KATNIP: variants seen among roughly 807,000 people sequenced by gnomAD.
The protein encoded by KATNIP is katanin-interacting protein.
Under a neutral mutation model 174.0 loss-of-function variants are expected in KATNIP, and 126 were observed. That is an observed-to-expected ratio of 0.72 (90% CI 0.63 to 0.84). KATNIP has a LOEUF of 0.84. Ranked by LOEUF, KATNIP falls within the 40% of genes least tolerant of loss-of-function variation. The probability of loss-of-function intolerance (pLI) is 0.00; values close to 1 mark genes in which losing one functional copy is unlikely to be tolerated. For synonymous variants in KATNIP, 810 were observed against 835.7 expected, an observed-to-expected ratio of 0.97 and a Z score of 0.53; for missense variants, 1,958 against 2,109.7, an observed-to-expected ratio of 0.93 and a Z score of 1.41.
intron 5 of KATNIP, among the ~76,000 whole-genome samples, chr16:27,632,031 G>C (rs1457276064): frequency 6.6e-6 from 1 of 152,216 alleles, no homozygotes; most frequent in East Asian, 1.9e-4. Context: ...GTTCAGAAAA[G>C]TTCAGTGAGT....
At chr16:27,603,596 T>C (rs1000686245) in intron 2 of KATNIP, among the ~76,000 whole-genome samples, 1 of 151,964 alleles carries the variant, frequency 6.6e-6, no homozygotes, top group African/African-American at 2.4e-5. Context: ...TCCTGCATTC[T>C]TCTGCCCCTT....
At chr16:27,690,015 A>G (rs1317247259) in intron 8 of KATNIP, among the ~76,000 whole-genome samples, 1 of 152,168 alleles carries the variant, frequency 6.6e-6, no homozygotes, top group East Asian at 1.9e-4. Context: ...GAAAGTCACC[A>G]GGCAGGGCCG....
In KATNIP at chr16:27,770,018, G is replaced by T; in HGVS notation, c.4133G>T (p.Arg1378Met). 1 of 1,612,708 alleles carries T rather than the reference G, an allele frequency of 6.2e-7. No homozygotes were observed. The highest frequency in any genetic ancestry group is 8.5e-7 in the Non-Finnish European group (1 of 1,178,830). Residue 1378 changes from arginine (R) to methionine (M), a missense_variant and splice_region_variant, in exon 21 of 28, where the codon AGG (arginine) becomes ATG (methionine). Arg to Met is a moderately conservative substitution (Grantham distance 91). Transcript: ENST00000261588. ...CAGCTGCTGCCCCAGCCGGCCAGGA[G>T]GTGAGGAGAAAGTGGGCGCCACACA... The part of the protein sequence containing the change: ...RAQLLPQPAR[R>M]LDMRSLECAS...
At chr16:27,592,543 A>G (rs1042834378) in intron 2 of KATNIP, among the ~76,000 whole-genome samples, 3 of 152,082 alleles carry the variant, frequency 2.0e-5, no homozygotes, top group Non-Finnish European at 2.9e-5. Context: ...ACTTGAGCCC[A>G]GGATGTCGAG....
intron 14 of KATNIP, among the ~76,000 whole-genome samples, chr16:27,729,320 C>T (rs1012710796): frequency 7.9e-5 from 12 of 152,152 alleles, no homozygotes; most frequent in Admixed American, 6.5e-4. Flanking sequence ...CAGCAGCCCC[C>T]GCAGAAAGAG....
At chr16:27,703,771 G>C in intron 11 of KATNIP, 125 bp from the exon 12 acceptor site, 1 of 749,456 alleles carries the variant, frequency 1.3e-6, no homozygotes, top group African/African-American at 1.7e-5. Flanking sequence ...CTTTGAACTG[G>C]ATACAGAGTG....
chr16:27,765,371 G>T (rs2082086475), intron 19 of KATNIP, among the ~76,000 whole-genome samples: 1 of 152,180 alleles, frequency 6.6e-6, no homozygotes, highest in Non-Finnish European at 1.5e-5. Flanking sequence ...CCAGAAACTG[G>T]CCAGGACAGG....
intron 14 of KATNIP, 117 bp downstream of exon 14, chr16:27,721,812 C>T (rs928486473): frequency 1.7e-6 from 2 of 1,153,570 alleles, no homozygotes; most frequent in South Asian, 1.5e-5. Context: ...CTGCTGGCCT[C>T]GTGTGTGCAG....
intron 6 of KATNIP, among the ~76,000 whole-genome samples, chr16:27,666,089 G>T (rs541158610): frequency 9.9e-5 from 15 of 152,272 alleles, no homozygotes; most frequent in African/African-American, 3.6e-4. Flanking sequence ...ATGCTGAGGG[G>T]TTTGGCCAGG....
chr16:27,674,125 C>G (rs2078021544), intron 6 of KATNIP, among the ~76,000 whole-genome samples: 1 of 152,214 alleles, frequency 6.6e-6, no homozygotes, highest in Non-Finnish European at 1.5e-5. Context: ...CACTGGGCAA[C>G]AGAGATAATT....
At chr16:27,745,311 T>G (rs944956848) in intron 15 of KATNIP, among the ~76,000 whole-genome samples, 3 of 152,242 alleles carry the variant, frequency 2.0e-5, no homozygotes, top group Admixed American at 6.5e-5. Context: ...TTCTATTTCT[T>G]CTGGGCCCTA....
At chr16:27,771,463 C>T in intron 21 of KATNIP, 125 bp from the exon 22 acceptor site, 1 of 820,584 alleles carries the variant, frequency 1.2e-6, no homozygotes, top group Non-Finnish European at 1.9e-6. Flanking sequence ...TCTCTCTTTT[C>T]CCTGCTGCAT....
At chr16:27,602,854 A>G (rs1460614441) in intron 2 of KATNIP, among the ~76,000 whole-genome samples, 1 of 151,950 alleles carries the variant, frequency 6.6e-6, no homozygotes, top group Non-Finnish European at 1.5e-5. Context: ...GCCCACCACC[A>G]CACCCGGCTA....
At chr16:27,613,273 CA>C in intron 2 of KATNIP, among the ~76,000 whole-genome samples, 1 of 152,032 alleles carries the variant, frequency 6.6e-6, no homozygotes, top group South Asian at 2.1e-4. Context: ...GACCCTGTTT[CA>C]AAAAGAAAAA....
intron 6 of KATNIP, among the ~76,000 whole-genome samples, chr16:27,653,715 G>A (rs1172552513): frequency 6.6e-6 from 1 of 150,996 alleles, no homozygotes; most frequent in Non-Finnish European, 1.5e-5. Context: ...CTGGAGTGCA[G>A]TAGCACAATC....
chr16:27,774,980 G>A lies in KATNIP; in HGVS notation c.4345G>A (p.Glu1449Lys). Residue 1449 changes from glutamate (E) to lysine (K), a missense_variant, in exon 24 of 28, where the codon GAG becomes AAG. Physicochemically the swap from Glu to Lys is moderately conservative, Grantham distance 56. This residue lies in a region of KATNIP where 383 missense variants were observed against 456.0 expected (regional missense o/e 0.84). Transcript: ENST00000261588. ...AAFPDSVNSLEGVGGDVRTPD... is the reference protein window; with the variant it reads ...AAFPDSVNSLKGVGGDVRTPD... The stretch of plus-strand genomic sequence containing the variant: ...CTTCCCCGACAGCGTGAACTCCCTG[G>A]AGGGTGTGGGCGGGGACGTCCGCAC... 2 of 1,613,954 alleles carry A rather than the reference G, an allele frequency of 1.2e-6. No individual in the cohort carries two copies. The highest frequency in any genetic ancestry group is 8.5e-7 in the Non-Finnish European group (1 of 1,179,948).
At chr16:27,616,126 C>G (rs2076028217) in intron 2 of KATNIP, among the ~76,000 whole-genome samples, 1 of 152,202 alleles carries the variant, frequency 6.6e-6, no homozygotes, top group Non-Finnish European at 1.5e-5. Context: ...AGTACCAACA[C>G]TTTGGGAGGC....
At chr16:27,723,965 G>A (rs948253550) in intron 14 of KATNIP, among the ~76,000 whole-genome samples, 1 of 152,224 alleles carries the variant, frequency 6.6e-6, no homozygotes, top group Non-Finnish European at 1.5e-5. Context: ...GCCCCGGCCA[G>A]CTGTGTGTAC....
chr16:27,584,642 C>G (rs979407662), intron 2 of KATNIP, among the ~76,000 whole-genome samples: 1 of 151,978 alleles, frequency 6.6e-6, no homozygotes, highest in African/African-American at 2.4e-5. Context: ...AATACAAAAA[C>G]TAGCTGTGTG....
Sources: allele counts gnomAD v4.1 joint callset (sites outside exome capture counted in the v4.1 genomes callset), GRCh38; gene constraint gnomAD v4.1.1; regional missense constraint gnomAD v4.1.1; transcripts MANE v1.5; gene names NCBI Gene and HGNC (gene_info 2026-07-23, HGNC 2026-07-21).